MSL2: variants seen among roughly 807,000 people sequenced by gnomAD.
MSL2 encodes MSL complex subunit 2, also known as E3 ubiquitin-protein ligase MSL2.
Under a neutral mutation model 35.8 loss-of-function variants are expected in MSL2, and 2 were observed. The observed-to-expected ratio is 0.06, with a 90% CI of 0.02 to 0.18. The LOEUF (loss-of-function observed/expected upper bound fraction) is 0.18. MSL2 is among the 10% of genes least tolerant of loss of function. MSL2 has a pLI of 1.00. For missense variants in MSL2, 523 were observed against 706.7 expected (o/e 0.74, Z 2.95); for synonymous variants, 296 against 255.7 (o/e 1.16, Z -1.50).
rs1388319364 is a variant in MSL2 at position 136,180,768 on chromosome 3, G to A, written c.142+14204C>T. Among the ~76,000 whole-genome samples, 71 of 38,368 alleles carry A rather than the reference G, an allele frequency of 1.9e-3. 1 individual carries two copies. Among genetic ancestry groups the A allele is most frequent in the South Asian group, 8.6e-3 (6 of 698 alleles). 25.2% of individuals were successfully genotyped at this position (38,368 alleles called of 152,430 possible). A position where few individuals can be genotyped will look rare whatever the true frequency, so the allele number is the denominator to read the frequency against. ...GAGGAGGGAAGGAGGGAAGGAGGGA[G>A]GGAGGGAGGGAGGGAGGGAGGGAGG... On this transcript the variant is annotated intron_variant, in intron 1 of 1. Transcript: ENST00000309993.
At chr3:136,181,971 G>A (rs1940379431) in intron 1 of MSL2, among the ~76,000 whole-genome samples, 2 of 151,320 alleles carry the variant, frequency 1.3e-5, no homozygotes, top group South Asian at 2.1e-4. Flanking sequence ...CAAAACTTAC[G>A]TGGGCTGAAG....
chr3:136,195,257 G>T lies in MSL2; in HGVS notation c.-144C>A. On this transcript the variant is annotated 5_prime_UTR_variant, in exon 1 of 2. Transcript: ENST00000309993. ...TTGGCCAAACAAGTAACCAAAATCC[G>T]TGCAAGTTTGTGGAGCTGAAACAAT... The T allele has an allele frequency of 6.8e-7, 1 of 1,475,724 alleles. No homozygotes were observed. Among genetic ancestry groups the T allele is most frequent in the Non-Finnish European group, 8.9e-7 (1 of 1,119,014 alleles). The allele number at this position is 1,475,724 out of a possible 1,614,324, so 91.4% of individuals were successfully genotyped here.
At chr3:136,194,900 C>CG (rs1940793106) in intron 1 of MSL2, 72 bp downstream of exon 1, 2 of 1,599,420 alleles carry the variant, frequency 1.3e-6, no homozygotes, top group African/African-American at 2.7e-5. Flanking sequence ...GCCGTCAACC[C>CG]GCTCACGTTA....
Position 136,195,787 on chromosome 3 carries a change from CCGAGGTGG to C in MSL2, c.-682_-675del. On this transcript the variant is annotated 5_prime_UTR_variant, in exon 1 of 2. Coordinates refer to ENST00000309993, the MANE Select transcript of MSL2 (RefSeq NM_018133.4). ...CCCGTGGGTTGCAGCCCGCAGTTCC[CCGAGGTGG>C]CGAGGCGGGCGGGAGTCCTCAACCC... is the stretch of plus-strand genomic sequence containing the variant. 1 of 985,148 alleles carries C rather than the reference CCGAGGTGG, an allele frequency of 1.0e-6. No individual in the cohort carries two copies. Among genetic ancestry groups the C allele is most frequent in the Non-Finnish European group, 1.2e-6 (1 of 829,854 alleles). 61.0% of individuals were successfully genotyped at this position (985,148 alleles called of 1,614,324 possible).
chr3:136,166,161 G>A (rs994028614), intron 1 of MSL2, among the ~76,000 whole-genome samples: 1 of 151,858 alleles, frequency 6.6e-6, no homozygotes, highest in African/African-American at 2.4e-5. Flanking sequence ...GGCCGAGGTG[G>A]GCGGGTCACT....
intron 1 of MSL2, among the ~76,000 whole-genome samples, chr3:136,182,446 C>T (rs1414774996): frequency 6.6e-6 from 1 of 152,126 alleles, no homozygotes; most frequent in Non-Finnish European, 1.5e-5. Flanking sequence ...ACAGTGATCC[C>T]TGAAAAGGGG....
At chr3:136,180,800 G>GGAAGGAAGGAA (rs1559969269) in intron 1 of MSL2, among the ~76,000 whole-genome samples, 6 of 49,564 alleles carry the variant, frequency 1.2e-4, no homozygotes, top group African/African-American at 1.9e-4. Flanking sequence ...GAGGGAGGGA[G>GGAAGGAAGGAA]GGAGGGAGGG....
intron 1 of MSL2, among the ~76,000 whole-genome samples, chr3:136,173,917 C>T (rs541338792): frequency 5.1e-4 from 78 of 152,330 alleles, no homozygotes; most frequent in African/African-American, 1.8e-3. Context: ...CCAAAACATG[C>T]AATGCTTACT....
chr3:136,175,070 G>C (rs961837037), intron 1 of MSL2, among the ~76,000 whole-genome samples: 6 of 152,160 alleles, frequency 3.9e-5, no homozygotes, highest in African/African-American at 1.4e-4. Context: ...TCATGGCTGG[G>C]CATGGTGGCT....
chr3:136,151,733 TGAA>T lies in MSL2; in HGVS notation c.1145_1147del (p.Leu382del), dbSNP rs761854411. 6.2e-7 allele frequency: 1 copy of T among 1,614,148 alleles called. No individual in the cohort carries two copies. Among genetic ancestry groups the T allele is most frequent in the African/African-American group, 1.3e-5 (1 of 75,024 alleles). On this transcript the variant is annotated inframe_deletion, in exon 2 of 2. Transcript: ENST00000309993. The surrounding 1 kb of genome is among the most constrained non-coding windows in gnomAD (Gnocchi z 5.2). ...TCCATTGGGAACAGTTGCTATAGGT[TGAA>T]GAGAAATTTTGCTCTCCCGTTTCAC...
chr3:136,174,796 T>A (rs1559966389), intron 1 of MSL2, among the ~76,000 whole-genome samples: 1 of 152,222 alleles, frequency 6.6e-6, no homozygotes, highest in South Asian at 2.1e-4. Context: ...GATCGGCCTA[T>A]ATACCAGTCT....
Position 136,195,974 on chromosome 3 carries a change from CAT to C in MSL2, c.-863_-862del, listed in dbSNP as rs1491578947. 3.6e-6 allele frequency: 1 copy of C among 281,276 alleles called. No homozygotes were observed. The highest frequency in any genetic ancestry group is 5.3e-6 in the Non-Finnish European group (1 of 187,106). 17.4% of individuals were successfully genotyped at this position (281,276 alleles called of 1,614,324 possible). The stretch of plus-strand genomic sequence containing the variant: ...AAGCGCCGCCCCCTCACTGCCCGGC[CAT>C]TTTTTCGGCGCCACACACACAGACG... On this transcript the variant is annotated 5_prime_UTR_variant, in exon 1 of 2. It removes an upstream start codon present in the reference 5' UTR. Coordinates refer to ENST00000309993, the MANE Select transcript of MSL2 (RefSeq NM_018133.4).
chr3:136,156,896 C>T (rs1305691382), intron 1 of MSL2, among the ~76,000 whole-genome samples: 1 of 151,990 alleles, frequency 6.6e-6, no homozygotes, highest in African/African-American at 2.4e-5. Context: ...TATGTTTCCT[C>T]CAAGCTATGC....
chr3:136,180,401 G>A (rs752263175), intron 1 of MSL2, among the ~76,000 whole-genome samples: 1 of 151,888 alleles, frequency 6.6e-6, no homozygotes, highest in Non-Finnish European at 1.5e-5. Context: ...ATATTACCAA[G>A]GACCTGTTCA....
intron 1 of MSL2, among the ~76,000 whole-genome samples, chr3:136,182,819 G>A (rs554388835): frequency 1.3e-5 from 2 of 152,184 alleles, no homozygotes; most frequent in East Asian, 3.9e-4. Context: ...AACTACCAGA[G>A]AAGCCCCAGA....
chr3:136,170,909 G>A (rs985316092), intron 1 of MSL2, among the ~76,000 whole-genome samples: 2 of 152,082 alleles, frequency 1.3e-5, no homozygotes, highest in African/African-American at 2.4e-5. Context: ...TAAAAATGAG[G>A]TAGCAGAACC....
intron 1 of MSL2, among the ~76,000 whole-genome samples, chr3:136,161,598 G>A (rs1022560939): frequency 6.6e-6 from 1 of 152,164 alleles, no homozygotes; most frequent in Non-Finnish European, 1.5e-5. Context: ...AGTGAAAGAA[G>A]CAGATACAAG....
At chr3:136,186,292 G>C (rs750690253) in intron 1 of MSL2, among the ~76,000 whole-genome samples, 1 of 152,080 alleles carries the variant, frequency 6.6e-6, no homozygotes, top group Non-Finnish European at 1.5e-5. Context: ...CAAGCATCTC[G>C]CTTGAATACC....
intron 1 of MSL2, chr3:136,153,013 C>G: frequency 1.0e-6 from 1 of 985,414 alleles, no homozygotes; most frequent in South Asian, 4.7e-5. Context: ...CCTTCTTATC[C>G]TCTTCCTCCA....
Sources: allele counts gnomAD v4.1 joint callset (sites outside exome capture counted in the v4.1 genomes callset), GRCh38; gene constraint gnomAD v4.1.1; non-coding constraint Gnocchi (gnomAD v3.1); transcripts MANE v1.5; gene names NCBI Gene and HGNC (gene_info 2026-07-23, HGNC 2026-07-21).